The following COBLL1 variants were observed in gnomAD, a reference collection of about 807,000 sequenced individuals.
The protein encoded by COBLL1 is cordon-bleu protein-like 1.
Under a neutral mutation model 94.8 loss-of-function variants are expected in COBLL1, and 50 were observed. The ratio of observed to expected loss-of-function variants is 0.53; its 90% confidence interval spans 0.42 to 0.67. COBLL1 has a LOEUF of 0.67. COBLL1 is among the 30% of genes least tolerant of loss of function. COBLL1 has a pLI of 0.00. For missense variants in COBLL1, 1,362 were observed against 1,348.7 expected (o/e 1.01, Z -0.15); for synonymous variants, 448 against 473.8 (o/e 0.95, Z 0.71).
chr2:164,723,287 T>A (rs1048093164), intron 5 of COBLL1: 1 of 152,220 alleles, frequency 6.6e-6, no homozygotes, highest in South Asian at 2.1e-4. Flanking sequence ...CTCAAGGTTG[T>A]ATACATAATA....
chr2:164,724,023 C>T (rs1189186426), intron 5 of COBLL1: 1 of 152,236 alleles, frequency 6.6e-6, no homozygotes, highest in Non-Finnish European at 1.5e-5. Flanking sequence ...GAACTCCTGG[C>T]CTCAGGTGAT....
chr2:164,809,567 A>G (rs1437329532), intron 2 of COBLL1, among the ~76,000 whole-genome samples: 4 of 152,048 alleles, frequency 2.6e-5, no homozygotes, highest in Non-Finnish European at 5.9e-5. Context: ...GGTATTAAGG[A>G]CAATCCAAAG....
chr2:164,764,889 G>A (rs1687860216), intron 2 of COBLL1, among the ~76,000 whole-genome samples: 1 of 152,108 alleles, frequency 6.6e-6, no homozygotes, highest in Non-Finnish European at 1.5e-5. Flanking sequence ...TGAAAATTTA[G>A]GGAAAGAATC....
At position 164,694,871 on chromosome 2, in the gene COBLL1, T is replaced by G. The variant is rs1317218864; in HGVS notation, c.2521A>C (p.Asn841His). Reference sequence around the variant, plus strand: ...AAAATATTGTTTATTTCTTCCAAATTTGGTGCAAAAGGAGCTGTGCCAGTG... The same window carrying G: ...AAAATATTGTTTATTTCTTCCAAATGTGGTGCAAAAGGAGCTGTGCCAGTG... ...RDTGTAPFAP[N>H]LEEINNILES... The change falls in exon 12 of 14, where the codon AAT (asparagine) becomes CAT (histidine). Residue 841 changes from asparagine to histidine, a missense_variant. Coordinates refer to ENST00000652658, the MANE Select transcript of COBLL1 (RefSeq NM_001365672.2). 1 of 1,613,882 alleles carries G rather than the reference T, an allele frequency of 6.2e-7. No homozygotes were observed. Among genetic ancestry groups the G allele is most frequent in the African/African-American group, 1.3e-5 (1 of 74,880 alleles).
chr2:164,718,185 C>G (rs2105488972), intron 7 of COBLL1: 1 of 863,996 alleles, frequency 1.2e-6, no homozygotes. Context: ...GTTTACTTAT[C>G]AATTCTCTTG....
chr2:164,718,285 C>T (rs1330485400), intron 7 of COBLL1: 2 of 979,758 alleles, frequency 2.0e-6, no homozygotes, highest in Non-Finnish European at 2.4e-6. Context: ...AACAATGCTG[C>T]AAGCATTAAG....
At chr2:164,839,624 T>G (rs1574683779) in intron 2 of COBLL1, among the ~76,000 whole-genome samples, 1 of 152,232 alleles carries the variant, frequency 6.6e-6, no homozygotes, top group Admixed American at 6.5e-5. Context: ...TTTTGTTTTT[T>G]AAAGTACCTT....
chr2:164,689,330 A>T lies in COBLL1; in HGVS notation c.3300+2891T>A, dbSNP rs189482558. Among the ~76,000 whole-genome samples, 705 of 152,280 alleles carry T rather than the reference A, an allele frequency of 4.6e-3. 5 individuals carry two copies. Among genetic ancestry groups the T allele is most frequent in the African/African-American group, 0.016 (665 of 41,568 alleles). Reference sequence around the variant, plus strand: ...TTAAATTGAACATTTGGGTGCCAAGATATAGAGAAACACAGAGCCAACTTT... The same window carrying T: ...TTAAATTGAACATTTGGGTGCCAAGTTATAGAGAAACACAGAGCCAACTTT... On this transcript the variant is annotated intron_variant, in intron 13 of 13. Transcript: ENST00000652658.
intron 2 of COBLL1, among the ~76,000 whole-genome samples, chr2:164,750,817 C>G (rs755961077): frequency 6.6e-6 from 1 of 152,052 alleles, no homozygotes; most frequent in Non-Finnish European, 1.5e-5. Context: ...ACTTGGCTGC[C>G]GCACCCCTGA....
At chr2:164,726,037 A>G (rs901588906) in intron 5 of COBLL1, among the ~76,000 whole-genome samples, 6 of 152,204 alleles carry the variant, frequency 3.9e-5, no homozygotes, top group Non-Finnish European at 4.4e-5. Flanking sequence ...CTTAATTTTA[A>G]TATTTCACTC....
intron 2 of COBLL1, among the ~76,000 whole-genome samples, chr2:164,790,203 T>C (rs1683115576): frequency 6.6e-6 from 1 of 152,146 alleles, no homozygotes; most frequent in South Asian, 2.1e-4. Flanking sequence ...TTCCCAAAGA[T>C]GTGCATGTCA....
chr2:164,759,669 A>C (rs1211714319), intron 2 of COBLL1, among the ~76,000 whole-genome samples: 1 of 152,198 alleles, frequency 6.6e-6, no homozygotes, highest in Non-Finnish European at 1.5e-5. Flanking sequence ...TCACATATTC[A>C]GCAAAAAGAC....
chr2:164,741,405 T>A (rs1017145042), intron 3 of COBLL1, among the ~76,000 whole-genome samples: 2 of 152,034 alleles, frequency 1.3e-5, no homozygotes, highest in Non-Finnish European at 2.9e-5. Flanking sequence ...TAATTTGACA[T>A]TGAATTGCTG....
chr2:164,771,670 G>A (rs1022039276), intron 2 of COBLL1, among the ~76,000 whole-genome samples: 2 of 151,906 alleles, frequency 1.3e-5, no homozygotes, highest in South Asian at 2.1e-4. Flanking sequence ...TAGAAAGCAC[G>A]AGTTTCTAAT....
chr2:164,799,156 ATAAC>A (rs759422889), intron 2 of COBLL1, among the ~76,000 whole-genome samples: 4 of 152,192 alleles, frequency 2.6e-5, no homozygotes, highest in Non-Finnish European at 4.4e-5. Context: ...AAGCAGCTGA[ATAAC>A]TACTTTTCCC....
intron 2 of COBLL1, among the ~76,000 whole-genome samples, chr2:164,819,325 G>C (rs1259760902): frequency 6.6e-6 from 1 of 152,012 alleles, no homozygotes; most frequent in East Asian, 1.9e-4. Flanking sequence ...GTCAACAAGA[G>C]AAGAATGGAC....
intron 2 of COBLL1, among the ~76,000 whole-genome samples, chr2:164,821,657 A>G (rs1685174099): frequency 1.3e-5 from 2 of 152,208 alleles, no homozygotes; most frequent in East Asian, 1.9e-4. Flanking sequence ...GGGAAAGAAC[A>G]TATTTGGCTA....
chr2:164,660,812 A>C (rs910018630), intron 2 of COBLL1, among the ~76,000 whole-genome samples: 3 of 152,224 alleles, frequency 2.0e-5, no homozygotes, highest in South Asian at 4.1e-4. Flanking sequence ...CTCTTGAATA[A>C]TACTACATTT....
rs1017537486 is a variant in COBLL1 at position 164,681,387 on chromosome 2, A to G, written c.*4559T>C. The G allele has an allele frequency of 3.3e-5, 5 of 152,132 alleles. No homozygotes were observed. The highest frequency in any genetic ancestry group is 1.2e-4 in the African/African-American group (5 of 41,430). 9.4% of individuals were successfully genotyped at this position (152,132 alleles called of 1,614,324 possible). On this transcript the variant is annotated 3_prime_UTR_variant, in exon 14 of 14. Transcript: ENST00000652658. ...GCAACATTTCAAATACAGTGAAAGC[A>G]AGCAGAAACACATGAACCTTTGAGG...
Sources: gnomAD v4.1 joint callset for allele counts (sites outside exome capture counted in the v4.1 genomes callset) on GRCh38, gnomAD v4.1.1 for gene constraint, MANE v1.5 for transcripts, NCBI Gene and HGNC (gene_info 2026-07-23, HGNC 2026-07-21) for gene names.